ADGRL3: variants seen among roughly 807,000 people sequenced by gnomAD.
ADGRL3 encodes calcium-independent alpha-latrotoxin receptor 3.
In ADGRL3, 62 loss-of-function variants were observed where a neutral mutation model predicts 153.5. The ratio of observed to expected loss-of-function variants is 0.40; its 90% CI spans 0.33 to 0.50. The LOEUF is 0.50. ADGRL3 is among the 20% of genes least tolerant of loss of function. The probability of loss-of-function intolerance (pLI) is 0.47; values close to 1 mark genes in which losing one functional copy is unlikely to be tolerated. For missense variants in ADGRL3, 1,641 were observed against 1,859.4 expected (o/e 0.88, Z 2.16); for synonymous variants, 710 against 672.5 (o/e 1.06, Z -0.86).
chr4:61,344,021 G>A (rs1340084332), intron 1 of ADGRL3, among the ~76,000 whole-genome samples: 1 of 152,168 alleles, frequency 6.6e-6, no homozygotes, highest in Non-Finnish European at 1.5e-5. Context: ...GATTTATGCA[G>A]CATATCACCC....
At position 62,071,790 on chromosome 4, in the gene ADGRL3, A is replaced by G. The variant is rs1341564464; in HGVS notation, c.*882A>G. The G allele has an allele frequency of 1.2e-5, 5 of 404,290 alleles. No homozygotes were observed. The highest frequency in any genetic ancestry group is 9.3e-5 in the South Asian group (5 of 53,894). 25.0% of individuals were successfully genotyped at this position (404,290 alleles called of 1,614,324 possible). A position where few individuals can be genotyped will look rare whatever the true frequency, so the allele number is the denominator to read the frequency against. On this transcript the variant is annotated 3_prime_UTR_variant, in exon 27 of 27. Transcript: ENST00000683033. ...CCTTTAAAATTTCGCCTGGCAAAAAATAAATAAATGGAACTATCACTTTAT... is the reference window on the plus strand; with the variant it reads ...CCTTTAAAATTTCGCCTGGCAAAAAGTAAATAAATGGAACTATCACTTTAT...
At chr4:61,833,221 G>A (rs2097893677) in intron 9 of ADGRL3, among the ~76,000 whole-genome samples, 1 of 152,154 alleles carries the variant, frequency 6.6e-6, no homozygotes, top group South Asian at 2.1e-4. Context: ...ATAAAATAAG[G>A]AGCATAGTTC....
chr4:62,031,986 CACACACAT>C (rs1173722701), intron 23 of ADGRL3, among the ~76,000 whole-genome samples: 47 of 130,698 alleles, frequency 3.6e-4, no homozygotes, highest in Admixed American at 5.6e-4. Flanking sequence ...CACACACACA[CACACACAT>C]GGATATATAT....
chr4:61,504,149 C>T (rs1011699747), intron 3 of ADGRL3, among the ~76,000 whole-genome samples: 3 of 152,084 alleles, frequency 2.0e-5, no homozygotes, highest in African/African-American at 4.8e-5. Context: ...TGCGCCACCA[C>T]ACCTGGCTAA....
intron 8 of ADGRL3, among the ~76,000 whole-genome samples, chr4:61,766,708 G>GTCA (rs2096985810): frequency 6.6e-6 from 1 of 151,914 alleles, no homozygotes. Flanking sequence ...CTTGATGGGT[G>GTCA]TCAGGGTCAG....
chr4:61,372,206 G>C (rs569818655), intron 1 of ADGRL3, among the ~76,000 whole-genome samples: 2 of 151,978 alleles, frequency 1.3e-5, no homozygotes, highest in African/African-American at 4.8e-5. Flanking sequence ...TAATTTGATC[G>C]TCTGAAGCCT....
intron 25 of ADGRL3, among the ~76,000 whole-genome samples, chr4:62,056,733 T>C (rs1737218930): frequency 6.6e-6 from 1 of 152,054 alleles, no homozygotes; most frequent in African/African-American, 2.4e-5. Flanking sequence ...TATACGTTAA[T>C]GTATATATTA....
At chr4:61,568,681 T>A (rs1173080374) in intron 4 of ADGRL3, among the ~76,000 whole-genome samples, 1 of 152,146 alleles carries the variant, frequency 6.6e-6, no homozygotes, top group Admixed American at 6.6e-5. Context: ...GTTAATGGTC[T>A]TTTTTTCAGT....
Position 61,885,783 on chromosome 4 carries a change from G to A in ADGRL3, c.1481-6873G>A, listed in dbSNP as rs115371948. On this transcript the variant is annotated intron_variant, in intron 9 of 26. Transcript: ENST00000683033. ...TATCAATTACCAGCTATGTAAGCTC[G>A]GGGGAATTATTTAATTTAACCTATT... is the stretch of plus-strand genomic sequence containing the variant. Among the ~76,000 whole-genome samples, 1,295 of 152,146 alleles carry A rather than the reference G, an allele frequency of 8.5e-3. 13 individuals are homozygous for A. Among genetic ancestry groups the A allele is most frequent in the African/African-American group, 0.03 (1,243 of 41,508 alleles).
At chr4:61,891,813 A>G (rs1421400376) in intron 9 of ADGRL3, among the ~76,000 whole-genome samples, 1 of 152,206 alleles carries the variant, frequency 6.6e-6, no homozygotes, top group East Asian at 1.9e-4. Context: ...ATACTCTTGC[A>G]TTTCCATGAT....
chr4:61,540,750 G>A (rs563730059), intron 4 of ADGRL3, among the ~76,000 whole-genome samples: 79 of 152,194 alleles, frequency 5.2e-4, no homozygotes, highest in African/African-American at 1.7e-3. Flanking sequence ...GAAGTTTAAT[G>A]TAAATTTAAT....
At chr4:61,460,435 A>G (rs1191652407) in intron 2 of ADGRL3, among the ~76,000 whole-genome samples, 1 of 152,284 alleles carries the variant, frequency 6.6e-6, no homozygotes, top group Non-Finnish European at 1.5e-5. Flanking sequence ...ATTAAGTGAA[A>G]TAAGCCAAGC....
intron 17 of ADGRL3, among the ~76,000 whole-genome samples, chr4:61,954,118 T>C (rs2098957486): frequency 6.6e-6 from 1 of 152,182 alleles, no homozygotes; most frequent in Admixed American, 6.5e-5. Flanking sequence ...TGGCTTGATA[T>C]AACTATTCTA....
At chr4:61,858,646 A>T (rs576401715) in intron 9 of ADGRL3, among the ~76,000 whole-genome samples, 95 of 152,320 alleles carry the variant, frequency 6.2e-4, no homozygotes, top group African/African-American at 2.2e-3. Flanking sequence ...AAACTTTATG[A>T]ATATTAAAAT....
chr4:62,063,533 T>C, intron 25 of ADGRL3: 1 of 697,450 alleles, frequency 1.4e-6, no homozygotes, highest in East Asian at 2.7e-5. Flanking sequence ...TTATAAGCAA[T>C]GCTCTGCTTC....
intron 8 of ADGRL3, among the ~76,000 whole-genome samples, chr4:61,790,613 G>A (rs1293035853): frequency 6.6e-6 from 1 of 152,194 alleles, no homozygotes; most frequent in African/African-American, 2.4e-5. Flanking sequence ...TTGTGAATCA[G>A]TGTTTCTGAT....
chr4:61,204,707 G>C (rs185630917), intron 1 of ADGRL3, among the ~76,000 whole-genome samples: 3 of 152,248 alleles, frequency 2.0e-5, no homozygotes, highest in Admixed American at 2.0e-4. Flanking sequence ...AATCAGGGTA[G>C]GAGGAATGAT....
rs180684929 is a variant in ADGRL3 at position 61,262,112 on chromosome 4, C to T, written c.-240+60347C>T. Among the ~76,000 whole-genome samples the T allele has an allele frequency of 1.6e-4, 25 of 152,208 alleles. 2 individuals carry two copies. Among genetic ancestry groups the T allele is most frequent in the Admixed American group, 1.5e-3 (23 of 15,272 alleles). ...CATGGAATCAAGACTTATCTCTGAG[C>T]GTCATCTTTGCTATGCTCACGTTAT... On this transcript the variant is annotated intron_variant, in intron 1 of 26. Transcript: ENST00000683033.
At chr4:61,507,544 G>T (rs1304329389) in intron 3 of ADGRL3, among the ~76,000 whole-genome samples, 1 of 152,086 alleles carries the variant, frequency 6.6e-6, no homozygotes, top group Non-Finnish European at 1.5e-5. Flanking sequence ...AAAAACTAAC[G>T]GAAATTAAGA....
Sources: gnomAD v4.1 joint callset for allele counts (sites outside exome capture counted in the v4.1 genomes callset) on GRCh38, gnomAD v4.1.1 for gene constraint, MANE v1.5 for transcripts, NCBI Gene and HGNC (gene_info 2026-07-23, HGNC 2026-07-21) for gene names.